The following MAMDC2 variants were observed in gnomAD, a reference collection of about 807,000 sequenced individuals.
MAMDC2 encodes MAM domain-containing protein 2.
Under a neutral mutation model 89.8 loss-of-function variants are expected in MAMDC2, and 57 were observed. The ratio of observed to expected loss-of-function variants is 0.63; its 90% CI spans 0.51 to 0.79. The LOEUF (loss-of-function observed/expected upper bound fraction) is 0.79, where lower values mean the gene tolerates loss of function less well. MAMDC2 is among the 30% of genes least tolerant of loss of function. The pLI is 0.00. For missense variants in MAMDC2, 800 were observed against 820.6 expected (o/e 0.97, Z 0.31); for synonymous variants, 313 against 293.4 (o/e 1.07, Z -0.68).
At chr9:70,131,431 G>C (rs1228809188) in intron 6 of MAMDC2, 88 bp from the exon 7 acceptor site, 1 of 891,130 alleles carries the variant, frequency 1.1e-6, no homozygotes, top group Non-Finnish European at 1.7e-6. Context: ...CATCTGGTTT[G>C]ATTGACATGT....
At chr9:70,131,384 T>C (rs2030798239) in intron 6 of MAMDC2, 135 bp from the exon 7 acceptor site, 2 of 623,226 alleles carry the variant, frequency 3.2e-6, no homozygotes, top group Non-Finnish European at 5.6e-6. Flanking sequence ...AACTCATATT[T>C]GGAAATCTGA....
intron 11 of MAMDC2, among the ~76,000 whole-genome samples, chr9:70,186,305 A>G (rs2032753563): frequency 6.6e-6 from 1 of 150,474 alleles, no homozygotes; most frequent in Non-Finnish European, 1.5e-5. Flanking sequence ...CTAGCTTTTT[A>G]TTTTTGTTTT....
chr9:70,105,547 C>T (rs959600444), intron 2 of MAMDC2, among the ~76,000 whole-genome samples: 5 of 152,036 alleles, frequency 3.3e-5, no homozygotes, highest in African/African-American at 1.2e-4. Flanking sequence ...GTTCACATGG[C>T]GTGACCTAAA....
At chr9:70,076,863 G>A (rs1486885348) in intron 2 of MAMDC2, among the ~76,000 whole-genome samples, 1 of 152,134 alleles carries the variant, frequency 6.6e-6, no homozygotes, top group Non-Finnish European at 1.5e-5. Context: ...AGGTGTCAAG[G>A]CTCAGGGTTA....
chr9:70,112,476 T>C (rs1226979923), intron 4 of MAMDC2, among the ~76,000 whole-genome samples: 1 of 152,096 alleles, frequency 6.6e-6, no homozygotes, highest in Non-Finnish European at 1.5e-5. Flanking sequence ...TCTGGGCAAC[T>C]TGTTCATCAT....
chr9:70,210,709 C>A (rs1231828704), intron 11 of MAMDC2, among the ~76,000 whole-genome samples: 2 of 152,166 alleles, frequency 1.3e-5, no homozygotes, highest in Non-Finnish European at 2.9e-5. Context: ...TTAGTTGATG[C>A]AGTTTCTTCC....
chr9:70,168,620 C>A, intron 9 of MAMDC2, 82 bp from the exon 10 acceptor site: 1 of 1,076,200 alleles, frequency 9.3e-7, no homozygotes, highest in Non-Finnish European at 1.4e-6. Context: ...TGCTCGCCTG[C>A]TGTGCTAAGT....
intron 2 of MAMDC2, among the ~76,000 whole-genome samples, chr9:70,049,578 C>T (rs1012032472): frequency 6.6e-6 from 1 of 152,174 alleles, no homozygotes; most frequent in African/African-American, 2.4e-5. Context: ...GAGTTATGCT[C>T]ATCTGCATGG....
In MAMDC2 at chr9:70,218,234, T is replaced by C. The variant is rs1325155923; in HGVS notation, c.1652-103T>C. 4 of 1,291,364 alleles carry C rather than the reference T, an allele frequency of 3.1e-6. No homozygotes were observed. The African/African-American group carries it at 4.4e-5, about 14-fold the overall frequency. 80.0% of individuals were successfully genotyped at this position (1,291,364 alleles called of 1,614,324 possible). On this transcript the variant is annotated intron_variant, in intron 11 of 13. Coordinates refer to ENST00000377182, the MANE Select transcript of MAMDC2 (RefSeq NM_153267.5). ...ATTATAAAACCCTTTATCAGTACTT[T>C]TAGTCAGATCATCTTGACTTGACAC...
chr9:70,143,599 A>C lies in MAMDC2; in HGVS notation c.1184A>C (p.Tyr395Ser). The C allele has an allele frequency of 6.2e-7, 1 of 1,614,182 alleles. No individual in the cohort carries two copies. The highest frequency in any genetic ancestry group is 8.5e-7 in the Non-Finnish European group (1 of 1,179,996). The part of the protein sequence containing the change: ...ANTKFTSQPG[Y>S]IGRLYGPSLP... ...ACAAAGTTCACATCTCAGCCTGGCT[A>C]CATTGGAAGGCTCTATGGGCCCTCC... The change falls in exon 9 of 14, where the codon TAC becomes TCC. Residue 395 changes from tyrosine (Y) to serine (S), a missense_variant. Tyr to Ser is a moderately radical substitution (Grantham distance 144). Coordinates refer to ENST00000377182, the MANE Select transcript of MAMDC2 (RefSeq NM_153267.5).
At chr9:70,149,519 G>T (rs1317364813) in intron 9 of MAMDC2, among the ~76,000 whole-genome samples, 1 of 152,144 alleles carries the variant, frequency 6.6e-6, no homozygotes, top group East Asian at 1.9e-4. Flanking sequence ...CATATTGATT[G>T]GTCATTGGAT....
At chr9:70,220,291 G>T (rs888305215) in intron 12 of MAMDC2, among the ~76,000 whole-genome samples, 2 of 152,140 alleles carry the variant, frequency 1.3e-5, no homozygotes, top group Non-Finnish European at 2.9e-5. Flanking sequence ...TGTTTTTTGA[G>T]TACAGAGTAG....
At chr9:70,086,888 G>T (rs3015185) in intron 2 of MAMDC2, 28,106 of 152,020 alleles carry the variant, frequency 0.18, 3,653 homozygotes, top group African/African-American at 0.37. Flanking sequence ...AGAAAACCTG[G>T]TATATGATAT....
At chr9:70,129,620 G>A (rs1185587627) in intron 6 of MAMDC2, among the ~76,000 whole-genome samples, 1 of 152,188 alleles carries the variant, frequency 6.6e-6, no homozygotes, top group Non-Finnish European at 1.5e-5. Context: ...GTGGTGATCT[G>A]TCTGGCTGTG....
At chr9:70,219,699 A>G (rs1180300355) in intron 12 of MAMDC2, among the ~76,000 whole-genome samples, 1 of 152,242 alleles carries the variant, frequency 6.6e-6, no homozygotes, top group Admixed American at 6.5e-5. Flanking sequence ...CAACATGGAT[A>G]AACACCTAGA....
At chr9:70,063,188 G>A (rs992252183) in intron 2 of MAMDC2, 6 of 152,262 alleles carry the variant, frequency 3.9e-5, no homozygotes, top group Admixed American at 3.9e-4. Context: ...CTGGGAGGTG[G>A]AGGCTGCAGA....
intron 11 of MAMDC2, among the ~76,000 whole-genome samples, chr9:70,208,516 G>A (rs944803733): frequency 2.6e-5 from 4 of 152,170 alleles, no homozygotes; most frequent in Non-Finnish European, 5.9e-5. Context: ...TTGCTTATCA[G>A]CTTAAGGATA....
At chr9:70,217,298 A>C in intron 11 of MAMDC2, 3 of 1,344,732 alleles carry the variant, frequency 2.2e-6, no homozygotes, top group Non-Finnish European at 3.2e-6. Context: ...CTTAATGCGA[A>C]ATGCGAGTCG....
At chr9:70,053,496 C>A (rs1169552661) in intron 2 of MAMDC2, among the ~76,000 whole-genome samples, 1 of 152,182 alleles carries the variant, frequency 6.6e-6, no homozygotes, top group Non-Finnish European at 1.5e-5. Flanking sequence ...ATGGTCCCTG[C>A]CCTTGGTGGC....
Sources: gnomAD v4.1 joint callset for allele counts (sites outside exome capture counted in the v4.1 genomes callset) on GRCh38, gnomAD v4.1.1 for gene constraint, MANE v1.5 for transcripts, NCBI Gene and HGNC (gene_info 2026-07-23, HGNC 2026-07-21) for gene names.